NELL1: variants seen among roughly 807,000 people sequenced by gnomAD.
The protein encoded by NELL1 is neural EGFL like 1.
A neutral mutation model predicts 107.4 loss-of-function variants in NELL1; 76 were observed. The observed-to-expected ratio is 0.71, with a 90% CI of 0.59 to 0.86. The LOEUF is 0.86. Ranked by LOEUF, NELL1 falls within the 40% of genes least tolerant of loss-of-function variation. NELL1 has a pLI of 0.00. For synonymous variants in NELL1, 353 were observed against 341.2 expected (o/e 1.03, Z -0.38); for missense variants, 1,024 against 1,005.5 (o/e 1.02, Z -0.25).
At chr11:21,311,219 T>C (rs1171940436) in intron 14 of NELL1, among the ~76,000 whole-genome samples, 1 of 152,190 alleles carries the variant, frequency 6.6e-6, no homozygotes, top group Non-Finnish European at 1.5e-5. Context: ...AGTCAATTTT[T>C]GTAAACTAAA....
At chr11:21,335,027 A>C (rs1447266568) in intron 14 of NELL1, among the ~76,000 whole-genome samples, 1 of 152,032 alleles carries the variant, frequency 6.6e-6, no homozygotes, top group Non-Finnish European at 1.5e-5. Context: ...TCCTCTCTGA[A>C]CACATTAAGC....
intron 5 of NELL1, among the ~76,000 whole-genome samples, chr11:20,906,219 T>C (rs975421580): frequency 1.3e-5 from 2 of 152,018 alleles, no homozygotes; most frequent in Admixed American, 6.6e-5. Flanking sequence ...GAAAACAAAT[T>C]AGATAACCTA....
intron 12 of NELL1, among the ~76,000 whole-genome samples, chr11:20,990,931 C>T (rs554593504): frequency 6.6e-6 from 1 of 152,030 alleles, no homozygotes; most frequent in African/African-American, 2.4e-5. Flanking sequence ...CTTCCTTAGC[C>T]ATGCTCTGTG....
intron 14 of NELL1, among the ~76,000 whole-genome samples, chr11:21,321,834 TCAA>T (rs1850017983): frequency 6.6e-6 from 1 of 152,202 alleles, no homozygotes; most frequent in South Asian, 2.1e-4. Flanking sequence ...AATACAGCAG[TCAA>T]CAAAGTGGGC....
intron 15 of NELL1, among the ~76,000 whole-genome samples, chr11:21,470,484 C>T (rs970115202): frequency 4.6e-5 from 7 of 152,068 alleles, no homozygotes; most frequent in African/African-American, 1.4e-4. Flanking sequence ...CTGATATGTA[C>T]ATGTTCCCCT....
upstream of NELL1, chr11:20,669,572 T>A (rs8176794): frequency 1.3e-5 from 6 of 463,360 alleles, no homozygotes; most frequent in Non-Finnish European, 1.9e-5. The surrounding 1 kb of genome is among the most constrained non-coding windows in gnomAD (Gnocchi z 4.4). Context: ...CCCGGGCGCA[T>A]ATGCGAGCGC....
intron 14 of NELL1, among the ~76,000 whole-genome samples, chr11:21,298,005 T>G (rs1849408723): frequency 6.6e-6 from 1 of 152,002 alleles, no homozygotes; most frequent in African/African-American, 2.4e-5. Flanking sequence ...CCTTTTACTT[T>G]TTCCTCCATC....
chr11:20,736,780 A>G (rs1337654841), intron 2 of NELL1, among the ~76,000 whole-genome samples: 1 of 147,622 alleles, frequency 6.8e-6, no homozygotes, highest in Non-Finnish European at 1.5e-5. Flanking sequence ...TTTGAGACAG[A>G]GTCTTGCTCT....
chr11:21,518,164 T>TC (rs1855621236), intron 15 of NELL1, among the ~76,000 whole-genome samples: 1 of 151,532 alleles, frequency 6.6e-6, no homozygotes. Context: ...GTGCTGATTT[T>TC]CCCCCTTTCA....
chr11:21,447,120 C>G (rs1374272677), intron 15 of NELL1, among the ~76,000 whole-genome samples: 4,603 of 152,190 alleles, frequency 0.03, 240 homozygotes, highest in African/African-American at 0.1. Flanking sequence ...AAGGGCTCTT[C>G]AGTCAGCTTA....
chr11:21,258,102 G>C (rs978251809), intron 14 of NELL1, among the ~76,000 whole-genome samples: 11 of 152,120 alleles, frequency 7.2e-5, no homozygotes, highest in Middle Eastern at 3.4e-3. Context: ...CAAGTTTAAG[G>C]TTTGGATTCT....
chr11:21,488,472 T>C (rs1854703560), intron 15 of NELL1, among the ~76,000 whole-genome samples: 1 of 152,066 alleles, frequency 6.6e-6, no homozygotes, highest in South Asian at 2.1e-4. Context: ...GCATTGGTGA[T>C]ATCTGCAATT....
At chr11:21,456,400 G>C (rs1465940876) in intron 15 of NELL1, among the ~76,000 whole-genome samples, 1 of 151,914 alleles carries the variant, frequency 6.6e-6, no homozygotes, top group Non-Finnish European at 1.5e-5. Flanking sequence ...GCAGTATGCT[G>C]TACAAAACTG....
chr11:20,688,367 C>A (rs1391541455), intron 2 of NELL1, among the ~76,000 whole-genome samples: 1 of 152,106 alleles, frequency 6.6e-6, no homozygotes, highest in East Asian at 1.9e-4. Context: ...GTTTTTCAAC[C>A]CTTACCCATC....
rs115075024 is a variant in NELL1 at position 21,555,099 on chromosome 11, C to A, written c.1787-5090C>A. On this transcript the variant is annotated intron_variant, in intron 16 of 19. Transcript: ENST00000357134. The stretch of plus-strand genomic sequence containing the variant: ...TATCTGGCTTCTTTGCCCATTGTAT[C>A]TCCAGCACTTAGCAGTGTATCTGGC... 9.3e-3 allele frequency among the ~76,000 whole-genome samples: 1,407 copies of A among 151,984 alleles called. 20 individuals are homozygous for A. The highest frequency in any genetic ancestry group is 0.032 in the African/African-American group (1,344 of 41,486).
intron 9 of NELL1, among the ~76,000 whole-genome samples, chr11:20,932,458 C>A (rs895923684): frequency 6.6e-6 from 1 of 152,166 alleles, no homozygotes; most frequent in Admixed American, 6.5e-5. Flanking sequence ...ACGTGAGTTG[C>A]GGATGGATGA....
chr11:20,995,534 C>T (rs530305924), intron 12 of NELL1, among the ~76,000 whole-genome samples: 9 of 152,004 alleles, frequency 5.9e-5, no homozygotes, highest in African/African-American at 1.9e-4. Context: ...GCAGAGATCG[C>T]ACCACTGCAC....
At chr11:21,281,560 A>G (rs1266613402) in intron 14 of NELL1, among the ~76,000 whole-genome samples, 2 of 152,082 alleles carry the variant, frequency 1.3e-5, no homozygotes, top group Non-Finnish European at 2.9e-5. Context: ...GAGTGAACTT[A>G]GGGGGTAGCC....
intron 14 of NELL1, among the ~76,000 whole-genome samples, chr11:21,358,473 C>T (rs776704240): frequency 2.0e-5 from 3 of 151,750 alleles, no homozygotes; most frequent in Non-Finnish European, 2.9e-5. Flanking sequence ...GATCTCCGCT[C>T]ACTGCAACCT....
Sources: allele counts gnomAD v4.1 joint callset (sites outside exome capture counted in the v4.1 genomes callset), GRCh38; gene constraint gnomAD v4.1.1; non-coding constraint Gnocchi (gnomAD v3.1); transcripts MANE v1.5; gene names NCBI Gene and HGNC (gene_info 2026-07-23, HGNC 2026-07-21).